IQSEC1: variants seen among roughly 807,000 people sequenced by gnomAD.
The protein encoded by IQSEC1 is IQ motif and Sec7 domain ArfGEF 1.
IQSEC1 carries 31 observed loss-of-function variants against 91.0 expected under a neutral mutation model. That is an observed-to-expected ratio of 0.34 (90% CI 0.26 to 0.46). The LOEUF (loss-of-function observed/expected upper bound fraction) is 0.46. Ranked by LOEUF, IQSEC1 falls within the 20% of genes least tolerant of loss-of-function variation. IQSEC1 has a pLI of 1.00. For missense variants in IQSEC1, 1,388 were observed against 1,575.6 expected, an observed-to-expected ratio of 0.88 and a Z score of 2.02; for synonymous variants, 699 against 662.6, an observed-to-expected ratio of 1.05 and a Z score of -0.84.
At chr3:13,094,134 C>T (rs934134359) in intron 2 of IQSEC1, among the ~76,000 whole-genome samples, 17 of 152,140 alleles carry the variant, frequency 1.1e-4, no homozygotes, top group Non-Finnish European at 4.4e-5. Context: ...CCGTGACATC[C>T]GATCAGGGTC....
intron 1 of IQSEC1, among the ~76,000 whole-genome samples, chr3:13,237,684 G>A (rs1694956282): frequency 6.6e-6 from 1 of 152,240 alleles, no homozygotes; most frequent in Non-Finnish European, 1.5e-5. Flanking sequence ...CCTTGGAGAT[G>A]GTGCACTTGC....
chr3:12,906,638 A>G (rs934720084), intron 12 of IQSEC1, among the ~76,000 whole-genome samples: 1 of 152,210 alleles, frequency 6.6e-6, no homozygotes, highest in East Asian at 1.9e-4. Flanking sequence ...CAATCGTCAC[A>G]CTACATGAAA....
At chr3:13,246,142 A>C (rs1408779438) in intron 1 of IQSEC1, among the ~76,000 whole-genome samples, 1 of 152,238 alleles carries the variant, frequency 6.6e-6, no homozygotes, top group Non-Finnish European at 1.5e-5. Flanking sequence ...TATACAAACA[A>C]AATGCGGCCT....
At chr3:13,079,940 C>T (rs1260370770) in intron 2 of IQSEC1, among the ~76,000 whole-genome samples, 2 of 152,184 alleles carry the variant, frequency 1.3e-5, no homozygotes, top group Non-Finnish European at 2.9e-5. Context: ...CAAGGAAAAA[C>T]AGAAGTTTCC....
At chr3:12,947,017 T>C (rs180746286) in intron 1 of IQSEC1, among the ~76,000 whole-genome samples, 2 of 152,218 alleles carry the variant, frequency 1.3e-5, no homozygotes, top group East Asian at 1.9e-4. Context: ...CCAGCTAGCA[T>C]GTGAGATGGA....
intron 2 of IQSEC1, among the ~76,000 whole-genome samples, chr3:13,141,787 G>A (rs1201425290): frequency 6.6e-6 from 1 of 152,188 alleles, no homozygotes; most frequent in Non-Finnish European, 1.5e-5. Context: ...AGAGAAAGAC[G>A]GAGAGGAAAG....
At position 13,007,040 on chromosome 3, in the gene IQSEC1, C is replaced by T. The variant is rs1013191548; in HGVS notation, c.24-65175G>A. ...GGAGCAGGAGACACTTGTCCAAAGTCGGTTTTGCTAGGCTTTGTCCTCCTC... is the reference window on the plus strand; with the variant it reads ...GGAGCAGGAGACACTTGTCCAAAGTTGGTTTTGCTAGGCTTTGTCCTCCTC... On this transcript the variant is annotated intron_variant, in intron 1 of 13. Transcript: ENST00000613206. Among the ~76,000 whole-genome samples the T allele has an allele frequency of 4.6e-5, 7 of 152,342 alleles. No individual in the cohort carries two copies. In the South Asian group the frequency reaches 6.2e-4, roughly 14 times the overall value.
intron 2 of IQSEC1, among the ~76,000 whole-genome samples, chr3:13,082,773 G>A (rs906473547): frequency 1.3e-5 from 2 of 152,180 alleles, no homozygotes; most frequent in African/African-American, 2.4e-5. Flanking sequence ...AGACCTGTGC[G>A]GACGCCTCCC....
rs188739990 is a variant in IQSEC1, at chr3:13,070,967, T to C, written c.23+2025A>G. Among the ~76,000 whole-genome samples the C allele has an allele frequency of 2.1e-3, 318 of 152,200 alleles. 1 individual carries two copies. The highest frequency in any genetic ancestry group is 7.5e-3 in the African/African-American group (310 of 41,524). On this transcript the variant is annotated intron_variant, in intron 1 of 13. Coordinates refer to ENST00000613206, the MANE Select transcript of IQSEC1 (RefSeq NM_001134382.3). ...GTATTGGAATCCATATAGAACATTG[T>C]CCCTGCAAAACTGCAATTGGATAGG...
At chr3:13,062,562 C>T (rs1705100805) in intron 1 of IQSEC1, among the ~76,000 whole-genome samples, 1 of 152,088 alleles carries the variant, frequency 6.6e-6, no homozygotes, top group Non-Finnish European at 1.5e-5. Context: ...ATCTTGGACC[C>T]CACATCTGCT....
chr3:13,181,298 C>T (rs576619928), intron 1 of IQSEC1, among the ~76,000 whole-genome samples: 1 of 134,174 alleles, frequency 7.5e-6, no homozygotes, highest in African/African-American at 2.7e-5. Context: ...AACAAACAAA[C>T]AAAATATATG....
intron 1 of IQSEC1, among the ~76,000 whole-genome samples, chr3:13,027,916 A>C (rs1703683574): frequency 6.6e-6 from 1 of 152,160 alleles, no homozygotes; most frequent in Non-Finnish European, 1.5e-5. Context: ...ATTTACAATG[A>C]TATGTAGGTT....
intron 1 of IQSEC1, among the ~76,000 whole-genome samples, chr3:13,200,396 C>T (rs1345467463): frequency 6.6e-6 from 1 of 152,206 alleles, no homozygotes; most frequent in African/African-American, 2.4e-5. Context: ...CTGACTTCGA[C>T]TTGAGCGGCC....
chr3:13,020,082 G>A (rs546426884), intron 1 of IQSEC1, among the ~76,000 whole-genome samples: 1 of 152,354 alleles, frequency 6.6e-6, no homozygotes, highest in South Asian at 2.1e-4. Context: ...AACAAGCCCT[G>A]AGGTTTCCAA....
chr3:13,085,581 G>A (rs1705722447), intron 2 of IQSEC1, among the ~76,000 whole-genome samples: 1 of 152,198 alleles, frequency 6.6e-6, no homozygotes. Context: ...CAGCCAGGTG[G>A]GTCCTTGCTG....
chr3:13,219,934 T>C (rs1694625708), intron 1 of IQSEC1, among the ~76,000 whole-genome samples: 1 of 152,196 alleles, frequency 6.6e-6, no homozygotes. Context: ...ATTTGTCTTC[T>C]CTCTCCCAGT....
chr3:12,951,865 G>A (rs1699572698), intron 1 of IQSEC1, among the ~76,000 whole-genome samples: 1 of 152,148 alleles, frequency 6.6e-6, no homozygotes, highest in Non-Finnish European at 1.5e-5. Flanking sequence ...CCCTGGAGGA[G>A]CACACGTAAT....
chr3:13,169,378 C>A (rs1479141704), intron 1 of IQSEC1, among the ~76,000 whole-genome samples: 1 of 152,212 alleles, frequency 6.6e-6, no homozygotes, highest in East Asian at 1.9e-4. Context: ...AAACCTATTT[C>A]TTCCCAGTCT....
chr3:13,218,574 G>C (rs911296377), intron 1 of IQSEC1, among the ~76,000 whole-genome samples: 1 of 152,256 alleles, frequency 6.6e-6, no homozygotes, highest in Non-Finnish European at 1.5e-5. Flanking sequence ...TCATGACTGG[G>C]GAAAAGGGAA....
Sources: gnomAD v4.1 joint callset for allele counts (sites outside exome capture counted in the v4.1 genomes callset) on GRCh38, gnomAD v4.1.1 for gene constraint, MANE v1.5 for transcripts, NCBI Gene and HGNC (gene_info 2026-07-23, HGNC 2026-07-21) for gene names.